The following TTC34 variants were observed in gnomAD, a reference collection of about 807,000 sequenced individuals.
The protein encoded by TTC34 is tetratricopeptide repeat domain 34.
TTC34 carries 44 observed loss-of-function variants against 40.7 expected under a neutral mutation model. The ratio of observed to expected loss-of-function variants is 1.08; its 90% confidence interval spans 0.85 to 1.39. TTC34 has a LOEUF of 1.39. Ranked by LOEUF, TTC34 falls within the 40% of genes most tolerant of loss-of-function variation. TTC34 has a pLI of 0.00. For missense variants in TTC34, 884 were observed against 838.0 expected (o/e 1.05, Z -0.68); for synonymous variants, 422 against 398.6 (o/e 1.06, Z -0.70).
In TTC34 at chr1:2,787,841, C is replaced by T. The variant is rs935435196; in HGVS notation, c.1629-135G>A. ...TCCCTCCGGAGGGACCCTCACGCCA[C>T]ACCATCCCCAGAAGCCAAAGGTGCC... On this transcript the variant is annotated intron_variant, in intron 3 of 8. Transcript: ENST00000401095. 9 of 678,314 alleles carry T rather than the reference C, an allele frequency of 1.3e-5. No individual in the cohort carries two copies. The African/African-American group carries it at 1.5e-4, about 11-fold the overall frequency. 42.0% of individuals were successfully genotyped at this position (678,314 alleles called of 1,614,324 possible).
At position 2,686,662 on chromosome 1, in the gene TTC34, G is replaced by A. The variant is rs1640365214; in HGVS notation, c.2227-41099C>T. Among the ~76,000 whole-genome samples, 16 of 151,610 alleles carry A rather than the reference G, an allele frequency of 1.1e-4. No individual in the cohort carries two copies. In the South Asian group the frequency reaches 3.3e-3, roughly 32 times the overall value. On this transcript the variant is annotated intron_variant, in intron 6 of 8. Coordinates refer to ENST00000401095, the Ensembl canonical transcript of TTC34. ...CACACACCCAGGTGAGCATCTGACA[G>A]CCTGGAACAGCACCCTGCACCCCCA...
chr1:2,753,839 T>C (rs1201797916), intron 6 of TTC34, among the ~76,000 whole-genome samples: 5 of 61,128 alleles, frequency 8.2e-5, no homozygotes, highest in Admixed American at 5.9e-4. Flanking sequence ...CATCGGAGAG[T>C]CTGGAGCAGC....
At chr1:2,764,519 G>A (rs1312993193) in intron 6 of TTC34, among the ~76,000 whole-genome samples, 320 of 43,488 alleles carry the variant, frequency 7.4e-3, no homozygotes, top group Middle Eastern at 0.029. Context: ...TGAGCATCTG[G>A]CAGCCTGGAG....
chr1:2,691,533 G>C (rs529207074), intron 6 of TTC34, among the ~76,000 whole-genome samples: 1 of 109,522 alleles, frequency 9.1e-6, no homozygotes, highest in African/African-American at 3.1e-5. Context: ...GTCTGGAACA[G>C]AACCCACACC....
intron 6 of TTC34, among the ~76,000 whole-genome samples, chr1:2,674,307 C>G (rs1639812425): frequency 2.7e-5 from 2 of 73,038 alleles, no homozygotes; most frequent in East Asian, 6.2e-4. Context: ...CAGCCTGGAA[C>G]AGCACCCACT....
intron 6 of TTC34, among the ~76,000 whole-genome samples, chr1:2,695,041 T>A (rs1640797128): frequency 1.3e-5 from 2 of 151,060 alleles, no homozygotes; most frequent in African/African-American, 2.4e-5. Context: ...CACCCCCAGG[T>A]GAGCATCTGA....
rs1276614621 is a variant in TTC34 at position 2,749,606 on chromosome 1, C to T, written c.2226+34003G>A. 6.9e-3 allele frequency among the ~76,000 whole-genome samples: 556 copies of T among 80,272 alleles called. 2 individuals carry two copies. The highest frequency in any genetic ancestry group is 0.01 in the Middle Eastern group (2 of 196). 52.7% of individuals were successfully genotyped at this position (80,272 alleles called of 152,430 possible). On this transcript the variant is annotated intron_variant, in intron 6 of 8. Coordinates refer to ENST00000401095, the Ensembl canonical transcript of TTC34. ...ACAGCCTGGAGCAGCACCCACACCC[C>T]CAGGTGTGCATGTGATGGTCTGGAG...
chr1:2,786,026 G>T lies in TTC34; in HGVS notation c.1855-3C>A. 1 of 1,461,260 alleles carries T rather than the reference G, an allele frequency of 6.8e-7. No homozygotes were observed. Among genetic ancestry groups the T allele is most frequent in the Non-Finnish European group, 9.1e-7 (1 of 1,098,208 alleles). The allele number at this position is 1,461,260 out of a possible 1,614,324, so 90.5% of individuals were successfully genotyped here. On this transcript the variant is annotated splice_region_variant and splice_polypyrimidine_tract_variant and intron_variant, in intron 4 of 8. Transcript: ENST00000401095. The stretch of plus-strand genomic sequence containing the variant: ...GACTGGACCAGCTTCTTCACCAACT[G>T]CAAGGGTGCCACAGTCACTGCCCAT...
At chr1:2,694,153 AG>A (rs1640754256) in intron 6 of TTC34, among the ~76,000 whole-genome samples, 1 of 149,032 alleles carries the variant, frequency 6.7e-6, no homozygotes, top group Non-Finnish European at 1.5e-5. Flanking sequence ...ACACACCCCC[AG>A]GCGAGCATCT....
intron 6 of TTC34, 52 bp downstream of exon 6, chr1:2,783,557 C>T: frequency 7.6e-7 from 1 of 1,317,676 alleles, no homozygotes; most frequent in Non-Finnish European, 9.8e-7. Context: ...AGGCAGCTCC[C>T]TGGGTCCCCC....
chr1:2,685,348 G>A (rs374514374), intron 6 of TTC34, among the ~76,000 whole-genome samples: 949 of 55,042 alleles, frequency 0.017, no homozygotes, highest in Admixed American at 0.031. Flanking sequence ...AGCCTGGAAC[G>A]GCACCCACAC....
chr1:2,656,389 T>C (rs1343740390), intron 6 of TTC34, among the ~76,000 whole-genome samples: 271 of 2,088 alleles, frequency 0.13, 87 homozygotes, highest in South Asian at 0.17. Context: ...CAGGTGAGCA[T>C]CTGACAGCAT....
chr1:2,787,602 C>T (rs760147932), exon 4 of TTC34: 43 of 1,549,526 alleles, frequency 2.8e-5, no homozygotes, highest in Non-Finnish European at 3.1e-5. Context: ...CTCCTCCAGG[C>T]GGCCCAGGCG....
At chr1:2,783,709 GTCT>G (rs1557688121) in exon 6 of TTC34, 3 of 1,545,276 alleles carry the variant, frequency 1.9e-6, no homozygotes, top group African/African-American at 1.4e-5. Flanking sequence ...GAACATGGCC[GTCT>G]TCTTCTGGCC....
In TTC34 at chr1:2,692,245, G is replaced by T. The variant is rs1396345523; in HGVS notation, c.2227-46682C>A. 2.7e-4 allele frequency among the ~76,000 whole-genome samples: 19 copies of T among 71,318 alleles called. 5 individuals are homozygous for T. The highest frequency in any genetic ancestry group is 4.4e-4 in the South Asian group (1 of 2,252). 46.8% of individuals were successfully genotyped at this position (71,318 alleles called of 152,430 possible). A position where few individuals can be genotyped will look rare whatever the true frequency, so the allele number is the denominator to read the frequency against. ...CACATCCCCAGGCGAGCATCCGACA[G>T]CCTGGAGCAGCACCCACACCCTCAG... On this transcript the variant is annotated intron_variant, in intron 6 of 8. Coordinates refer to ENST00000401095, the Ensembl canonical transcript of TTC34.
exon 8 of TTC34, chr1:2,644,471 G>A (rs1260767211): frequency 1.3e-6 from 2 of 1,533,008 alleles, no homozygotes; most frequent in South Asian, 1.2e-5. Context: ...CAGCTTCCTC[G>A]TAGCTGCCTG....
At chr1:2,759,477 ACC>A (rs1387028259) in intron 6 of TTC34, among the ~76,000 whole-genome samples, 1 of 109,878 alleles carries the variant, frequency 9.1e-6, no homozygotes, top group Admixed American at 9.6e-5. Context: ...AGCACCCCAC[ACC>A]CCCAGGTGAG....
intron 2 of TTC34, among the ~76,000 whole-genome samples, chr1:2,793,708 C>T (rs963377921): frequency 4.6e-5 from 7 of 152,220 alleles, no homozygotes; most frequent in African/African-American, 1.4e-4. Context: ...ATTTGCAACA[C>T]TCATCTGTCA....
chr1:2,773,622 CA>C (rs1642713706), intron 6 of TTC34: 1 of 109,588 alleles, frequency 9.1e-6, no homozygotes, highest in Admixed American at 9.2e-5. Context: ...CCCACACCCC[CA>C]GTTGAGTAGC....
Sources: gnomAD v4.1 joint callset for allele counts (sites outside exome capture counted in the v4.1 genomes callset) on GRCh38, gnomAD v4.1.1 for gene constraint, MANE v1.5 for transcripts, NCBI Gene and HGNC (gene_info 2026-07-23, HGNC 2026-07-21) for gene names.